The following BCL11A variants were observed in gnomAD, a reference collection of about 807,000 sequenced individuals.
The protein encoded by BCL11A is B cell CLL/lymphoma 11A.
Under a neutral mutation model 55.9 loss-of-function variants are expected in BCL11A, and 2 were observed. The ratio of observed to expected loss-of-function variants is 0.04; its 90% CI spans 0.01 to 0.11. The LOEUF is 0.11. Ranked by LOEUF, BCL11A falls within the 10% of genes least tolerant of loss-of-function variation. The pLI is 1.00. For synonymous variants in BCL11A, 465 were observed against 473.4 expected, an observed-to-expected ratio of 0.98 and a Z score of 0.23; for missense variants, 817 against 1,137.1, an observed-to-expected ratio of 0.72 and a Z score of 4.05.
chr2:60,466,848 T>C (rs1368829017), intron 3 of BCL11A, among the ~76,000 whole-genome samples: 1 of 152,214 alleles, frequency 6.6e-6, no homozygotes, highest in East Asian at 1.9e-4. Flanking sequence ...CACACTTCTT[T>C]TCTTCTTGAA....
At chr2:60,455,634 G>T (rs1197903006), downstream of BCL11A, among the ~76,000 whole-genome samples, 4 of 152,174 alleles carry the variant, frequency 2.6e-5, no homozygotes, top group Non-Finnish European at 5.9e-5. Context: ...CAAGTGTACA[G>T]TATCCACCAT....
chr2:60,526,380 A>G (rs567915046), intron 2 of BCL11A: 1 of 152,384 alleles, frequency 6.6e-6, no homozygotes, highest in African/African-American at 2.4e-5. Context: ...CAAACAAAGC[A>G]GCATATGTTT....
At chr2:60,467,719 A>ATGGTGGTG (rs1676867960) in intron 3 of BCL11A, among the ~76,000 whole-genome samples, 1 of 23,142 alleles carries the variant, frequency 4.3e-5, no homozygotes, top group South Asian at 1.5e-3. Context: ...TGGTGATGGT[A>ATGGTGGTG]CTGGTGGTGA....
chr2:60,517,219 G>C (rs1388832986), intron 2 of BCL11A, among the ~76,000 whole-genome samples: 2 of 152,162 alleles, frequency 1.3e-5, no homozygotes, highest in African/African-American at 4.8e-5. Flanking sequence ...ATCTGCCCCT[G>C]AGAGGGTACA....
At chr2:60,462,554 C>A (rs1676377309) in intron 3 of BCL11A, 130 bp from the exon 4 acceptor site, 7 of 1,430,458 alleles carry the variant, frequency 4.9e-6, no homozygotes, top group Non-Finnish European at 6.4e-6. Flanking sequence ...CCCTCACTGA[C>A]CTACCCCCTG....
chr2:60,458,088 A>G lies in BCL11A; in HGVS notation c.*2316T>C. On this transcript the variant is annotated 3_prime_UTR_variant, in exon 4 of 4. Coordinates refer to ENST00000642384, the MANE Select transcript of BCL11A (RefSeq NM_022893.4). ...ATTGATACCTTTTAAGAGAACAAGC[A>G]ACAGTTAAAAATACAAGCTTCAATA... The G allele has an allele frequency of 9.7e-7, 1 of 1,032,950 alleles. No individual in the cohort carries two copies. Among genetic ancestry groups the G allele is most frequent in the Non-Finnish European group, 1.2e-6 (1 of 858,354 alleles). The allele number at this position is 1,032,950 out of a possible 1,614,324, so 64.0% of individuals were successfully genotyped here.
At chr2:60,497,999 TC>T (rs1679050276) in intron 2 of BCL11A, among the ~76,000 whole-genome samples, 2 of 151,682 alleles carry the variant, frequency 1.3e-5, no homozygotes, top group African/African-American at 2.4e-5. Flanking sequence ...ATGCACAAAA[TC>T]CAAGAGGCCC....
chr2:60,508,980 C>T (rs1280899250), intron 2 of BCL11A, among the ~76,000 whole-genome samples: 1 of 152,218 alleles, frequency 6.6e-6, no homozygotes, highest in Non-Finnish European at 1.5e-5. Context: ...AGGAGCTCTC[C>T]TATGACAAGG....
intron 2 of BCL11A, among the ~76,000 whole-genome samples, chr2:60,482,712 T>C (rs1678032525): frequency 6.6e-6 from 1 of 152,244 alleles, no homozygotes; most frequent in South Asian, 2.1e-4. Flanking sequence ...GGCAGAAGAC[T>C]GCTGCTTCAG....
chr2:60,493,512 C>T (rs1678769166), intron 2 of BCL11A, among the ~76,000 whole-genome samples: 1 of 152,106 alleles, frequency 6.6e-6, no homozygotes, highest in Non-Finnish European at 1.5e-5. Context: ...GAATAGAAAC[C>T]TCTCCACTAC....
At chr2:60,548,310 T>G (rs1332423362) in intron 1 of BCL11A, among the ~76,000 whole-genome samples, 1 of 151,862 alleles carries the variant, frequency 6.6e-6, no homozygotes, top group Non-Finnish European at 1.5e-5. Flanking sequence ...AAAAAATTTT[T>G]TATTTCCACC....
chr2:60,553,310 C>T lies in BCL11A; in HGVS notation c.-40G>A, dbSNP rs1243839697. On this transcript the variant is annotated 5_prime_UTR_variant, in exon 1 of 4. Coordinates refer to ENST00000642384, the MANE Select transcript of BCL11A (RefSeq NM_022893.4). ...CGGGCGGCGGCGGCGGCGGCGGCGGCGGCGGGCGGACGACGGCTCGGTTCA... is the reference window on the plus strand; with the variant it reads ...CGGGCGGCGGCGGCGGCGGCGGCGGTGGCGGGCGGACGACGGCTCGGTTCA... 2 of 1,519,864 alleles carry T rather than the reference C, an allele frequency of 1.3e-6. No individual in the cohort carries two copies. The highest frequency in any genetic ancestry group is 1.4e-5 in the African/African-American group (1 of 70,334). 94.1% of individuals were successfully genotyped at this position (1,519,864 alleles called of 1,614,324 possible).
At chr2:60,482,536 C>A (rs2104199629) in intron 2 of BCL11A, among the ~76,000 whole-genome samples, 1 of 152,322 alleles carries the variant, frequency 6.6e-6, no homozygotes. Context: ...AATAGAGGGA[C>A]TGCTTATTTA....
chr2:60,491,339 C>T (rs1200477272), intron 2 of BCL11A, among the ~76,000 whole-genome samples: 1 of 152,252 alleles, frequency 6.6e-6, no homozygotes, highest in Non-Finnish European at 1.5e-5. Flanking sequence ...TGGCCCCCTT[C>T]AGCTATTAAG....
In BCL11A at chr2:60,467,071, A is replaced by AGTG. The variant is rs1190100497; in HGVS notation, c.487+1658_487+1660dup. ...ACTTGAACAAGTAAATGGTGGTGGCAGTGGTGGTGGTGGTGGTGGTGGTGA... is the reference window on the plus strand; with the variant it reads ...ACTTGAACAAGTAAATGGTGGTGGCAGTGGTGGTGGTGGTGGTGGTGGTGGTGA... On this transcript the variant is annotated intron_variant, in intron 3 of 3. Transcript: ENST00000642384. Among the ~76,000 whole-genome samples the AGTG allele has an allele frequency of 4.7e-3, 654 of 137,932 alleles. 1 individual carries two copies. The highest frequency in any genetic ancestry group is 7.9e-3 in the Non-Finnish European group (494 of 62,712). 90.5% of individuals were successfully genotyped at this position (137,932 alleles called of 152,430 possible). A position where few individuals can be genotyped will look rare whatever the true frequency, so the allele number is the denominator to read the frequency against.
At chr2:60,500,393 T>C (rs1679216751) in intron 2 of BCL11A, among the ~76,000 whole-genome samples, 1 of 152,146 alleles carries the variant, frequency 6.6e-6, no homozygotes. Flanking sequence ...CTCTGTGGGC[T>C]GACAGATGTG....
chr2:60,528,401 A>G (rs1020542589), intron 2 of BCL11A: 1 of 152,488 alleles, frequency 6.6e-6, no homozygotes, highest in African/African-American at 2.4e-5. Flanking sequence ...TTTCAGGCTC[A>G]TTCTGGACAG....
chr2:60,482,382 G>T (rs1187361941), intron 2 of BCL11A, among the ~76,000 whole-genome samples: 1 of 152,152 alleles, frequency 6.6e-6, no homozygotes, highest in Non-Finnish European at 1.5e-5. Flanking sequence ...GAGAAATGGA[G>T]CTTTTTTCTT....
rs1256441854 is a variant in BCL11A, at chr2:60,457,693, TTTTC to T, written c.*2707_*2710del. The T allele has an allele frequency of 5.8e-6, 6 of 1,034,286 alleles. No individual in the cohort carries two copies. The highest frequency in any genetic ancestry group is 6.0e-5 in the East Asian group (1 of 16,688). 64.1% of individuals were successfully genotyped at this position (1,034,286 alleles called of 1,614,324 possible). ...TGGTTTTTTTTTTTTTTTCCTTTTT[TTTTC>T]TTTCTTTCTTTTACTGCATATGAAG... On this transcript the variant is annotated 3_prime_UTR_variant, in exon 4 of 4. Transcript: ENST00000642384.
Sources: allele counts gnomAD v4.1 joint callset (sites outside exome capture counted in the v4.1 genomes callset), GRCh38; gene constraint gnomAD v4.1.1; transcripts MANE v1.5; gene names NCBI Gene and HGNC (gene_info 2026-07-23, HGNC 2026-07-21).